The following SLC5A7 variants were observed in gnomAD, a reference collection of about 807,000 sequenced individuals.
SLC5A7 encodes high affinity choline transporter 1.
Under a neutral mutation model 55.4 loss-of-function variants are expected in SLC5A7, and 19 were observed. That is an observed-to-expected ratio of 0.34 (90% CI 0.24 to 0.50). The LOEUF (loss-of-function observed/expected upper bound fraction) is 0.50, where lower values mean the gene tolerates loss of function less well. Ranked by LOEUF, SLC5A7 falls within the 20% of genes least tolerant of loss-of-function variation. The pLI, the probability that SLC5A7 is intolerant of heterozygous loss-of-function variation, is 0.98. For synonymous variants in SLC5A7, 265 were observed against 263.7 expected, an observed-to-expected ratio of 1.00 and a Z score of -0.05; for missense variants, 506 against 705.3, an observed-to-expected ratio of 0.72 and a Z score of 3.20.
At chr2:108,001,356 T>A (rs1319766134) in intron 5 of SLC5A7, among the ~76,000 whole-genome samples, 10 of 152,138 alleles carry the variant, frequency 6.6e-5, no homozygotes, top group African/African-American at 2.2e-4. Context: ...ATAGTTTGTA[T>A]GACATGGTAT....
chr2:107,998,283 G>A (rs1337303434), intron 5 of SLC5A7, among the ~76,000 whole-genome samples: 1 of 152,072 alleles, frequency 6.6e-6, no homozygotes, highest in East Asian at 1.9e-4. Flanking sequence ...AGTATTTAAG[G>A]CAATCCATTT....
intron 5 of SLC5A7, among the ~76,000 whole-genome samples, chr2:108,001,686 A>AAG (rs1650375195): frequency 1.3e-5 from 2 of 151,048 alleles, no homozygotes; most frequent in Non-Finnish European, 1.5e-5. Flanking sequence ...AAAAAAAAAA[A>AAG]AAAGAAAAGA....
At chr2:108,001,672 C>CAAAAAAA (rs71309338) in intron 5 of SLC5A7, among the ~76,000 whole-genome samples, 8 of 75,390 alleles carry the variant, frequency 1.1e-4, no homozygotes, top group Admixed American at 1.3e-4. Context: ...GACTCCGTCT[C>CAAAAAAA]AAAAAAAAAA....
At chr2:107,999,064 C>T (rs529161317) in intron 5 of SLC5A7, among the ~76,000 whole-genome samples, 10 of 152,246 alleles carry the variant, frequency 6.6e-5, no homozygotes, top group South Asian at 2.1e-4. Flanking sequence ...AATTTACATA[C>T]GCTAGCAAAG....
rs541173410 is a variant in SLC5A7 at position 108,004,440 on chromosome 2, A to G, written c.742-1609A>G. On this transcript the variant is annotated intron_variant, in intron 6 of 8. Transcript: ENST00000264047. Reference sequence around the variant, plus strand: ...GATTGTTATGGTATCTATGTTACAGACATTCTGCTTAGCCCAGGTGAGACC... The same window carrying G: ...GATTGTTATGGTATCTATGTTACAGGCATTCTGCTTAGCCCAGGTGAGACC... 1.8e-4 allele frequency among the ~76,000 whole-genome samples: 27 copies of G among 152,268 alleles called. No individual in the cohort carries two copies. The South Asian group carries it at 2.7e-3, about 15-fold the overall frequency.
chr2:108,008,198 T>G (rs939277400), intron 7 of SLC5A7, among the ~76,000 whole-genome samples: 1 of 152,206 alleles, frequency 6.6e-6, no homozygotes, highest in Non-Finnish European at 1.5e-5. Flanking sequence ...TTCTAGGCAA[T>G]GTAACACCAT....
At chr2:108,008,749 G>A (rs1190568949) in intron 8 of SLC5A7, 67 bp downstream of exon 8, 1 of 1,195,238 alleles carries the variant, frequency 8.4e-7, no homozygotes, top group Non-Finnish European at 1.2e-6. Context: ...TGTTGTATTT[G>A]TTGTATATAC....
At chr2:108,008,767 T>G (rs745386526) in intron 8 of SLC5A7, 85 bp downstream of exon 8, 12 of 886,126 alleles carry the variant, frequency 1.4e-5, no homozygotes, top group Non-Finnish European at 2.0e-5. Flanking sequence ...TACAGTATTA[T>G]ATATTTATTA....
chr2:108,008,768 A>G (rs1288695378), intron 8 of SLC5A7, 86 bp downstream of exon 8: 3 of 854,590 alleles, frequency 3.5e-6, no homozygotes, highest in Non-Finnish European at 5.1e-6. Context: ...ACAGTATTAT[A>G]TATTTATTAA....
chr2:108,003,962 C>T (rs543233900), intron 6 of SLC5A7, among the ~76,000 whole-genome samples: 2 of 152,156 alleles, frequency 1.3e-5, no homozygotes, highest in Non-Finnish European at 2.9e-5. Flanking sequence ...TGTGCCCTCA[C>T]ATGGTGGAAA....
intron 6 of SLC5A7, among the ~76,000 whole-genome samples, chr2:108,004,105 A>G (rs534746491): frequency 6.6e-6 from 1 of 152,296 alleles, no homozygotes; most frequent in African/African-American, 2.4e-5. Flanking sequence ...GAGTTTCAAC[A>G]TATGAATTTT....
chr2:108,000,720 G>A (rs1427720051), intron 5 of SLC5A7, among the ~76,000 whole-genome samples: 1 of 151,744 alleles, frequency 6.6e-6, no homozygotes, highest in African/African-American at 2.4e-5. Context: ...TCAGCCTCCT[G>A]AGTAGCTGGG....
intron 4 of SLC5A7, among the ~76,000 whole-genome samples, chr2:107,994,114 C>T (rs1677561760): frequency 6.6e-6 from 1 of 152,188 alleles, no homozygotes; most frequent in Non-Finnish European, 1.5e-5. Context: ...TTGGACCTGA[C>T]TGAGGCTGTT....
chr2:108,003,392 A>T (rs1228869737), intron 6 of SLC5A7, among the ~76,000 whole-genome samples: 2 of 152,244 alleles, frequency 1.3e-5, no homozygotes, highest in African/African-American at 4.8e-5. Flanking sequence ...GACATTTTGT[A>T]AAGTGATGGC....
chr2:107,992,634 T>C (rs541611643), intron 3 of SLC5A7, among the ~76,000 whole-genome samples: 8 of 152,308 alleles, frequency 5.3e-5, no homozygotes, highest in Non-Finnish European at 8.8e-5. Context: ...AAGGCTTTTA[T>C]TGAATCTGTG....
chr2:107,999,105 A>G (rs972091403), intron 5 of SLC5A7, among the ~76,000 whole-genome samples: 4 of 152,184 alleles, frequency 2.6e-5, no homozygotes, highest in East Asian at 1.9e-4. Context: ...CTCCTTAGAC[A>G]TTTTATTTGC....
intron 5 of SLC5A7, among the ~76,000 whole-genome samples, chr2:107,999,778 C>T (rs1481673284): frequency 1.3e-5 from 2 of 151,930 alleles, no homozygotes; most frequent in African/African-American, 4.8e-5. Flanking sequence ...TCTCTCTGAC[C>T]TCTCTCTCCT....
In SLC5A7 at chr2:108,006,326, T is replaced by C. The variant is rs550690407; in HGVS notation, c.895+124T>C. ...TTCTTTCTCACCACATTCATATCTATAGATTTGTTATAGCATTCAGTAAAT... is the reference window on the plus strand; with the variant it reads ...TTCTTTCTCACCACATTCATATCTACAGATTTGTTATAGCATTCAGTAAAT... On this transcript the variant is annotated intron_variant, in intron 7 of 8. Transcript: ENST00000264047. The C allele has an allele frequency of 2.7e-6, 3 of 1,093,668 alleles. No individual in the cohort carries two copies. The South Asian group carries it at 4.5e-5, about 17-fold the overall frequency. The allele number at this position is 1,093,668 out of a possible 1,614,324, so 67.7% of individuals were successfully genotyped here. A position where few individuals can be genotyped will look rare whatever the true frequency, so the allele number is the denominator to read the frequency against.
rs140863834 is a variant in SLC5A7, at chr2:108,010,635, C to T, written c.1517C>T (p.Thr506Ile). 4 of 1,613,944 alleles carry T rather than the reference C, an allele frequency of 2.5e-6. No individual in the cohort carries two copies. Among genetic ancestry groups the T allele is most frequent in the African/African-American group, 2.7e-5 (2 of 75,034 alleles). The change falls in exon 9 of 9, where the codon ACC becomes ATC. Residue 506 changes from threonine to isoleucine, a missense_variant. Physicochemically the swap from Thr to Ile is moderately conservative, Grantham distance 89. Coordinates refer to ENST00000264047, the MANE Select transcript of SLC5A7 (RefSeq NM_021815.5). ...YLAKYLFESG[T>I]LPPKLDVFDA... ...GCCAAGTATCTATTTGAAAGTGGAACCTTGCCACCTAAATTAGATGTATTT... is the reference window on the plus strand; with the variant it reads ...GCCAAGTATCTATTTGAAAGTGGAATCTTGCCACCTAAATTAGATGTATTT...
Sources: gnomAD v4.1 joint callset for allele counts (sites outside exome capture counted in the v4.1 genomes callset) on GRCh38, gnomAD v4.1.1 for gene constraint, MANE v1.5 for transcripts, NCBI Gene and HGNC (gene_info 2026-07-23, HGNC 2026-07-21) for gene names.